FGFR2: variants seen among roughly 807,000 people sequenced by gnomAD.
FGFR2 encodes the protein fibroblast growth factor receptor 2, also known as BEK fibroblast growth factor receptor.
In FGFR2, 19 loss-of-function variants were observed where a neutral mutation model predicts 95.9. The observed-to-expected ratio is 0.20, with a 90% CI of 0.14 to 0.29. The LOEUF is 0.29. Ranked by LOEUF, FGFR2 falls within the 10% of genes least tolerant of loss-of-function variation. The pLI is 1.00. For missense variants in FGFR2, 707 were observed against 1,056.9 expected (o/e 0.67, Z 4.59); for synonymous variants, 392 against 393.3 (o/e 1.00, Z 0.04).
intron 6 of FGFR2, among the ~76,000 whole-genome samples, chr10:121,528,392 G>A (rs1185701025): frequency 6.6e-6 from 1 of 152,028 alleles, no homozygotes; most frequent in African/African-American, 2.4e-5. Context: ...CGTGAAAGAA[G>A]AGCATATTGG....
At chr10:121,579,958 G>A (rs1860565983) in intron 2 of FGFR2, among the ~76,000 whole-genome samples, 1 of 152,128 alleles carries the variant, frequency 6.6e-6, no homozygotes, top group South Asian at 2.1e-4. Context: ...AGCTGCTGCT[G>A]GGACAAGCTC....
chr10:121,520,929 C>G lies in FGFR2; in HGVS notation c.749-760G>C, dbSNP rs3135754. Among the ~76,000 whole-genome samples, 61 of 152,374 alleles carry G rather than the reference C, an allele frequency of 4.0e-4. No individual in the cohort carries two copies. The East Asian group carries it at 0.012, about 29-fold the overall frequency. ...AATTGCTGGGATTACAGACGTGAGC[C>G]ACCACGCTCGGCTCCAGTACATTTC... On this transcript the variant is annotated intron_variant, in intron 6 of 17. Coordinates refer to ENST00000358487, the MANE Select transcript of FGFR2 (RefSeq NM_000141.5).
intron 2 of FGFR2, among the ~76,000 whole-genome samples, chr10:121,571,757 A>C (rs1858783504): frequency 6.6e-6 from 1 of 151,930 alleles, no homozygotes; most frequent in African/African-American, 2.4e-5. Context: ...CAGCCTGGCC[A>C]ACATGGAGAA....
chr10:121,545,887 G>A (rs1267325505), intron 5 of FGFR2, among the ~76,000 whole-genome samples: 1 of 152,082 alleles, frequency 6.6e-6, no homozygotes, highest in Non-Finnish European at 1.5e-5. Flanking sequence ...CTCTGCTGAG[G>A]GGCTCCAGGG....
intron 6 of FGFR2, among the ~76,000 whole-genome samples, chr10:121,521,814 T>C (rs564689495): frequency 6.6e-6 from 1 of 152,270 alleles, no homozygotes; most frequent in African/African-American, 2.4e-5. Flanking sequence ...CACTTCTCTA[T>C]TTATCTAAAA....
At chr10:121,550,366 G>A (rs908496606) in intron 5 of FGFR2, among the ~76,000 whole-genome samples, 2 of 152,208 alleles carry the variant, frequency 1.3e-5, no homozygotes, top group Non-Finnish European at 2.9e-5. Flanking sequence ...CCAGGAGTGT[G>A]CCTGGCACAC....
chr10:121,592,487 C>T (rs543345485), intron 2 of FGFR2, among the ~76,000 whole-genome samples: 1 of 152,252 alleles, frequency 6.6e-6, no homozygotes, highest in East Asian at 1.9e-4. Flanking sequence ...CGAAAAGTTC[C>T]CCAGTCTCAC....
At chr10:121,553,565 C>A (rs531252611) in intron 4 of FGFR2, among the ~76,000 whole-genome samples, 1 of 152,200 alleles carries the variant, frequency 6.6e-6, no homozygotes, top group Admixed American at 6.5e-5. Flanking sequence ...TACACAAAGA[C>A]GTTTACAAAT....
intron 2 of FGFR2, among the ~76,000 whole-genome samples, chr10:121,572,337 T>C (rs2135231060): frequency 6.6e-6 from 1 of 151,826 alleles, no homozygotes; most frequent in Non-Finnish European, 1.5e-5. Context: ...AATAAATAAG[T>C]AGCCCAGGCA....
At chr10:121,550,818 A>G (rs1192274118) in intron 5 of FGFR2, among the ~76,000 whole-genome samples, 1 of 152,174 alleles carries the variant, frequency 6.6e-6, no homozygotes, top group Non-Finnish European at 1.5e-5. Flanking sequence ...GTCCGGGGTA[A>G]TATTTTTTTT....
chr10:121,478,726 C>T lies in FGFR2; in HGVS notation c.*1131G>A, dbSNP rs764293761. ...TGAAGATCCTAACAGGCGTCTCCAA[C>T]GCCAAAGAGTCTGGAAGCCATTATC... On this transcript the variant is annotated 3_prime_UTR_variant, in exon 18 of 18. Coordinates refer to ENST00000358487, the MANE Select transcript of FGFR2 (RefSeq NM_000141.5). The T allele has an allele frequency of 1.7e-5, 4 of 233,526 alleles. No homozygotes were observed. The highest frequency in any genetic ancestry group is 1.2e-4 in the East Asian group (2 of 16,566). 14.5% of individuals were successfully genotyped at this position (233,526 alleles called of 1,614,324 possible).
At chr10:121,525,813 G>A (rs531082961) in intron 6 of FGFR2, among the ~76,000 whole-genome samples, 1 of 152,298 alleles carries the variant, frequency 6.6e-6, no homozygotes, top group African/African-American at 2.4e-5. Context: ...CGAGCCGAGA[G>A]GCCTCATGTC....
intron 2 of FGFR2, among the ~76,000 whole-genome samples, chr10:121,588,063 T>C (rs1862096987): frequency 6.6e-6 from 1 of 152,186 alleles, no homozygotes; most frequent in African/African-American, 2.4e-5. Flanking sequence ...TATGCAGCCA[T>C]AAAAAAGAGC....
intron 17 of FGFR2, among the ~76,000 whole-genome samples, chr10:121,481,112 A>G (rs1268150580): frequency 2.0e-5 from 3 of 152,048 alleles, no homozygotes; most frequent in Non-Finnish European, 4.4e-5. Context: ...AGGGCCGGCA[A>G]AGCTGAAAAT....
intron 7 of FGFR2, 48 bp downstream of exon 7, chr10:121,519,930 AT>A (rs1850259324): frequency 6.3e-7 from 1 of 1,590,334 alleles, no homozygotes; most frequent in Non-Finnish European, 8.6e-7. Flanking sequence ...GGCCAAACCC[AT>A]GAAGGAGACC....
intron 6 of FGFR2, among the ~76,000 whole-genome samples, chr10:121,522,066 A>G (rs1237197964): frequency 6.6e-6 from 1 of 152,210 alleles, no homozygotes; most frequent in Admixed American, 6.5e-5. Context: ...CTCCACTGAT[A>G]TGAGGTATCT....
At chr10:121,556,328 A>T (rs1180881709) in intron 4 of FGFR2, among the ~76,000 whole-genome samples, 1 of 151,924 alleles carries the variant, frequency 6.6e-6, no homozygotes, top group Non-Finnish European at 1.5e-5. Flanking sequence ...GAGAAACCAT[A>T]GGCTGCTGGG....
chr10:121,548,170 C>A (rs1285780614), intron 5 of FGFR2, among the ~76,000 whole-genome samples: 1 of 150,740 alleles, frequency 6.6e-6, no homozygotes, highest in Non-Finnish European at 1.5e-5. Flanking sequence ...TAGCCTTTCT[C>A]CACCAGAGAA....
At chr10:121,584,305 CT>C (rs1385783347) in intron 2 of FGFR2, among the ~76,000 whole-genome samples, 1 of 151,860 alleles carries the variant, frequency 6.6e-6, no homozygotes, top group Admixed American at 6.6e-5. Flanking sequence ...GAGCTCACCT[CT>C]CCAGCCTGGC....
Sources: allele counts gnomAD v4.1 joint callset (sites outside exome capture counted in the v4.1 genomes callset), GRCh38; gene constraint gnomAD v4.1.1; transcripts MANE v1.5; gene names NCBI Gene and HGNC (gene_info 2026-07-23, HGNC 2026-07-21).